RALGAPA2: variants seen among roughly 807,000 people sequenced by gnomAD.
RALGAPA2 encodes the protein Ral GTPase activating protein catalytic subunit alpha 2.
A neutral mutation model predicts 230.4 loss-of-function variants in RALGAPA2; 139 were observed. The observed-to-expected ratio is 0.60, with a 90% CI of 0.53 to 0.69. The LOEUF (loss-of-function observed/expected upper bound fraction) is 0.69. Among genes scored for constraint, RALGAPA2 ranks in the 30% least tolerant of loss-of-function variants. The pLI is 0.00. For synonymous variants in RALGAPA2, 847 were observed against 837.8 expected, an observed-to-expected ratio of 1.01 and a Z score of -0.19; for missense variants, 2,163 against 2,276.0, an observed-to-expected ratio of 0.95 and a Z score of 1.01.
In RALGAPA2 at chr20:20,428,965, G is replaced by A. The variant is rs193239334; in HGVS notation, c.5496-16817C>T. On this transcript the variant is annotated intron_variant, in intron 37 of 39. Transcript: ENST00000202677. The stretch of plus-strand genomic sequence containing the variant: ...TTGGAGGATTCTAAAACCCATCATA[G>A]TGAGATTACACTATAATTAGCCTGA... 2.3e-3 allele frequency among the ~76,000 whole-genome samples: 353 copies of A among 152,050 alleles called. 3 individuals are homozygous for A. The highest frequency in any genetic ancestry group is 8.2e-3 in the African/African-American group (339 of 41,448).
chr20:20,455,946 A>G (rs551711988), intron 37 of RALGAPA2, among the ~76,000 whole-genome samples: 1 of 152,356 alleles, frequency 6.6e-6, no homozygotes. Flanking sequence ...AGGATTCATG[A>G]GACCAAGTTA....
chr20:20,661,461 A>G (rs57576543), intron 3 of RALGAPA2, among the ~76,000 whole-genome samples: 2,797 of 152,284 alleles, frequency 0.018, 93 homozygotes, highest in African/African-American at 0.065. Flanking sequence ...TGCCTGGCTG[A>G]AATACTGCTT....
intron 16 of RALGAPA2, among the ~76,000 whole-genome samples, chr20:20,595,551 A>G (rs572663330): frequency 1.8e-4 from 27 of 152,302 alleles, no homozygotes; most frequent in Admixed American, 1.6e-3. Flanking sequence ...ATAAGGGGAG[A>G]TTGTTGATCC....
intron 3 of RALGAPA2, among the ~76,000 whole-genome samples, chr20:20,658,850 G>A (rs1009737595): frequency 6.6e-6 from 1 of 152,332 alleles, no homozygotes; most frequent in African/African-American, 2.4e-5. Flanking sequence ...TCAGATGACT[G>A]CAACATGTCC....
chr20:20,676,934 C>T (rs950905295), intron 2 of RALGAPA2, among the ~76,000 whole-genome samples: 2 of 152,242 alleles, frequency 1.3e-5, no homozygotes, highest in African/African-American at 4.8e-5. Context: ...CAGCCACAGA[C>T]AATACATAAA....
At chr20:20,557,027 C>T (rs955700358) in intron 23 of RALGAPA2, among the ~76,000 whole-genome samples, 6 of 151,804 alleles carry the variant, frequency 4.0e-5, no homozygotes, top group Admixed American at 1.3e-4. Flanking sequence ...AAAGGATGGG[C>T]GGCCGAGCGT....
At chr20:20,551,809 C>T (rs188111508) in intron 23 of RALGAPA2, among the ~76,000 whole-genome samples, 2 of 152,086 alleles carry the variant, frequency 1.3e-5, no homozygotes, top group Non-Finnish European at 2.9e-5. Context: ...ACCTTTAGAG[C>T]GATAAATGTG....
chr20:20,583,015 T>G, intron 20 of RALGAPA2, 35 bp downstream of exon 20: 3 of 1,596,790 alleles, frequency 1.9e-6, no homozygotes. Context: ...TCCCAGCTGT[T>G]TGCATTAGTG....
chr20:20,501,868 G>C (rs1414565324), intron 35 of RALGAPA2, among the ~76,000 whole-genome samples: 4 of 152,134 alleles, frequency 2.6e-5, no homozygotes, highest in Non-Finnish European at 5.9e-5. Flanking sequence ...TGTGCTTAGG[G>C]AATAGGAAGG....
At chr20:20,442,304 G>T (rs1329765285) in intron 37 of RALGAPA2, among the ~76,000 whole-genome samples, 1 of 152,180 alleles carries the variant, frequency 6.6e-6, no homozygotes, top group Non-Finnish European at 1.5e-5. Flanking sequence ...TTATAGATTG[G>T]CCAAGAGATA....
At chr20:20,488,271 T>A (rs991856757) in intron 36 of RALGAPA2, among the ~76,000 whole-genome samples, 1 of 152,212 alleles carries the variant, frequency 6.6e-6, no homozygotes, top group African/African-American at 2.4e-5. Flanking sequence ...GGGATTTTCC[T>A]CCAGTTTTTA....
intron 3 of RALGAPA2, among the ~76,000 whole-genome samples, chr20:20,655,365 G>A (rs980493304): frequency 6.6e-6 from 1 of 152,038 alleles, no homozygotes; most frequent in Non-Finnish European, 1.5e-5. Context: ...ACGTTTGCAC[G>A]AAATATTACA....
chr20:20,598,934 T>C (rs2273216), intron 16 of RALGAPA2: 27 of 352,900 alleles, frequency 7.7e-5, no homozygotes, highest in Non-Finnish European at 1.3e-4. Context: ...TTTAAACTTT[T>C]AAACTTTAAA....
intron 1 of RALGAPA2, among the ~76,000 whole-genome samples, chr20:20,699,024 G>C (rs2069234818): frequency 6.6e-6 from 1 of 152,008 alleles, no homozygotes; most frequent in South Asian, 2.1e-4. Flanking sequence ...TACTAGTGAG[G>C]AATAAACACT....
At chr20:20,488,550 T>A (rs1032832920) in intron 36 of RALGAPA2, among the ~76,000 whole-genome samples, 4 of 152,246 alleles carry the variant, frequency 2.6e-5, no homozygotes, top group South Asian at 2.1e-4. Flanking sequence ...TCATTTCAAT[T>A]CTCTGATGAA....
chr20:20,614,568 T>C (rs946659552), intron 13 of RALGAPA2, among the ~76,000 whole-genome samples: 7 of 152,240 alleles, frequency 4.6e-5, no homozygotes, highest in African/African-American at 1.7e-4. Flanking sequence ...TAACAATTGT[T>C]TAACTTGGCA....
chr20:20,642,689 C>A (rs2067082413), intron 5 of RALGAPA2, among the ~76,000 whole-genome samples: 1 of 151,968 alleles, frequency 6.6e-6, no homozygotes, highest in Admixed American at 6.6e-5. Context: ...AAGCCTATTT[C>A]CTTAAAATAA....
At chr20:20,394,663 A>G (rs2059670254) in intron 39 of RALGAPA2, among the ~76,000 whole-genome samples, 1 of 152,024 alleles carries the variant, frequency 6.6e-6, no homozygotes, top group African/African-American at 2.4e-5. Flanking sequence ...AAAACCTCAG[A>G]ACACAAAAAC....
At chr20:20,652,280 C>G (rs1268105687) in intron 4 of RALGAPA2, among the ~76,000 whole-genome samples, 1 of 151,988 alleles carries the variant, frequency 6.6e-6, no homozygotes, top group African/African-American at 2.4e-5. Context: ...GATCTCCCAC[C>G]CAGAAAACCC....
Sources: gnomAD v4.1 joint callset for allele counts (sites outside exome capture counted in the v4.1 genomes callset) on GRCh38, gnomAD v4.1.1 for gene constraint, MANE v1.5 for transcripts, NCBI Gene and HGNC (gene_info 2026-07-23, HGNC 2026-07-21) for gene names.